The following TEP1 variants were observed in gnomAD, a reference collection of about 807,000 sequenced individuals.
TEP1 encodes telomerase associated protein 1.
A neutral mutation model predicts 306.3 loss-of-function variants in TEP1; 241 were observed. The ratio of observed to expected loss-of-function variants is 0.79; its 90% CI spans 0.71 to 0.88. The LOEUF (loss-of-function observed/expected upper bound fraction) is 0.88. TEP1 is among the 40% of genes least tolerant of loss of function. TEP1 has a pLI of 0.00. For synonymous variants in TEP1, 1,289 were observed against 1,305.5 expected, an observed-to-expected ratio of 0.99 and a Z score of 0.27; for missense variants, 3,051 against 3,276.1, an observed-to-expected ratio of 0.93 and a Z score of 1.68.
intron 2 of TEP1, 108 bp downstream of exon 2, chr14:20,407,765 G>T: frequency 9.8e-7 from 1 of 1,024,118 alleles, no homozygotes. Context: ...GAGGAGAGAA[G>T]ATAGCCAGAC....
In TEP1 at chr14:20,386,213, G is replaced by A. The variant is rs1340249499; in HGVS notation, c.2862-18C>T. The A allele has an allele frequency of 6.2e-7, 1 of 1,613,714 alleles. No individual in the cohort carries two copies. The highest frequency in any genetic ancestry group is 8.5e-7 in the Non-Finnish European group (1 of 1,179,912). On this transcript the variant is annotated intron_variant, in intron 19 of 54. Coordinates refer to ENST00000262715, the MANE Select transcript of TEP1 (RefSeq NM_007110.5). ...CCAGTTGTCTGTAGGCATGATGATA[G>A]GGACGTGTGGGAGTCACTGGGGGCA...
At position 20,383,777 on chromosome 14, in the gene TEP1, G is replaced by T. The variant is rs750276408; in HGVS notation, c.3676C>A (p.Leu1226Ile). Residue 1226 changes from leucine (L) to isoleucine (I), a missense_variant, in exon 25 of 55, where the codon CTA becomes ATA. By Grantham distance (5) the Leu-to-Ile change is conservative. Around this residue, in one of 3 missense-constraint regions of TEP1, gnomAD observed 1,507 missense variants for 1,550.5 expected, o/e 0.97. Coordinates refer to ENST00000262715, the MANE Select transcript of TEP1 (RefSeq NM_007110.5). ...CTGGGGAGGGCACCTGGCTCTTTTA[G>T]TTGGCCACGCAGATAGGTACAGAGG... ...RRLCTYLRGQ[L>I]KEPGALPSTY... 1 of 1,611,588 alleles carries T rather than the reference G, an allele frequency of 6.2e-7. No individual in the cohort carries two copies. The highest frequency in any genetic ancestry group is 8.5e-7 in the Non-Finnish European group (1 of 1,179,386).
At position 20,374,384 on chromosome 14, in the gene TEP1, A is replaced by G. The variant is rs142047187; in HGVS notation, c.6471+45T>C. On this transcript the variant is annotated intron_variant, in intron 44 of 54. Coordinates refer to ENST00000262715, the MANE Select transcript of TEP1 (RefSeq NM_007110.5). ...ATGCACCGTCTCCCAAAGCCCCCTT[A>G]GCCCTTCCAGAGACCCCCCAGTGGG... 8.0e-5 allele frequency: 116 copies of G among 1,448,486 alleles called. No homozygotes were observed. In the African/African-American group the frequency reaches 1.3e-3, roughly 17 times the overall value. 89.7% of individuals were successfully genotyped at this position (1,448,486 alleles called of 1,614,324 possible). A position where few individuals can be genotyped will look rare whatever the true frequency, so the allele number is the denominator to read the frequency against.
chr14:20,393,856 GT>G (rs2139128814), intron 12 of TEP1, among the ~76,000 whole-genome samples: 1 of 151,944 alleles, frequency 6.6e-6, no homozygotes, highest in South Asian at 2.1e-4. Context: ...GGAGGCCAAG[GT>G]GGTTGGATCG....
chr14:20,386,212 A>C lies in TEP1; in HGVS notation c.2862-17T>G, dbSNP rs892601916. ...TCCAGTTGTCTGTAGGCATGATGATAGGGACGTGTGGGAGTCACTGGGGGC... is the reference window on the plus strand; with the variant it reads ...TCCAGTTGTCTGTAGGCATGATGATCGGGACGTGTGGGAGTCACTGGGGGC... On this transcript the variant is annotated splice_polypyrimidine_tract_variant and intron_variant, in intron 19 of 54. Transcript: ENST00000262715. 1 of 1,613,854 alleles carries C rather than the reference A, an allele frequency of 6.2e-7. No homozygotes were observed. Among genetic ancestry groups the C allele is most frequent in the African/African-American group, 1.3e-5 (1 of 74,934 alleles).
intron 1 of TEP1, among the ~76,000 whole-genome samples, chr14:20,410,547 C>T (rs1277894767): frequency 2.6e-5 from 4 of 151,648 alleles, no homozygotes; most frequent in Non-Finnish European, 4.4e-5. Context: ...CTCAGCCTCC[C>T]GAGTAGCTGG....
rs1879320625 is a variant in TEP1 at position 20,407,979 on chromosome 14, G to A, written c.461C>T (p.Pro154Leu). ...GAAATGCTGAGCCCTCCAACTTGGA[G>A]GCTCAGAGAGCAGGCAATTGCTGTT... The part of the protein sequence containing the change: ...VNNSNCLLSE[P>L]PSWRAQHFSK... Residue 154 changes from proline to leucine, a missense_variant, in exon 2 of 55, where the codon CCT (proline) becomes CTT (leucine). By Grantham distance (98) the Pro-to-Leu change is moderately conservative. Coordinates refer to ENST00000262715, the MANE Select transcript of TEP1 (RefSeq NM_007110.5). The A allele has an allele frequency of 6.2e-7, 1 of 1,614,092 alleles. No individual in the cohort carries two copies. Among genetic ancestry groups the A allele is most frequent in the Non-Finnish European group, 8.5e-7 (1 of 1,180,036 alleles).
chr14:20,370,079 GA>G (rs1193711884), intron 51 of TEP1, among the ~76,000 whole-genome samples: 2 of 152,192 alleles, frequency 1.3e-5, no homozygotes, highest in Middle Eastern at 3.4e-3. Flanking sequence ...ACACCCAGCT[GA>G]TTTTTTTATT....
chr14:20,409,347 C>G (rs557479628), intron 1 of TEP1, among the ~76,000 whole-genome samples: 1 of 152,316 alleles, frequency 6.6e-6, no homozygotes, highest in African/African-American at 2.4e-5. Flanking sequence ...CCTTGCAGTT[C>G]TATTCTAATC....
chr14:20,376,137 A>T lies in TEP1; in HGVS notation c.6216T>A (p.Asp2072Glu). The T allele has an allele frequency of 1.9e-6, 3 of 1,614,170 alleles. No homozygotes were observed. Among genetic ancestry groups the T allele is most frequent in the Non-Finnish European group, 2.5e-6 (3 of 1,180,026 alleles). The change falls in exon 42 of 55, where the codon GAT (aspartate) becomes GAA (glutamate). Residue 2072 changes from aspartate (D) to glutamate (E), a missense_variant. Physicochemically the swap from Asp to Glu is conservative, Grantham distance 45. Transcript: ENST00000262715. ...GPVSCCSFST[D>E]GGSLATGGRD... Reference sequence around the variant, plus strand: ...GGCCCCCGGTGGCCAGGCTGCCTCCATCAGTGCTGAAACTACAGCAGCTCA... The same window carrying T: ...GGCCCCCGGTGGCCAGGCTGCCTCCTTCAGTGCTGAAACTACAGCAGCTCA...
intron 2 of TEP1, among the ~76,000 whole-genome samples, chr14:20,407,155 G>C (rs1446036703): frequency 6.6e-6 from 1 of 152,212 alleles, no homozygotes; most frequent in African/African-American, 2.4e-5. Context: ...ATGTAGATGT[G>C]TAAAAGTGGA....
Position 20,383,359 on chromosome 14 carries a change from A to G in TEP1, c.3868-6T>C. On this transcript the variant is annotated splice_region_variant and splice_polypyrimidine_tract_variant and intron_variant, in intron 26 of 54. Transcript: ENST00000262715. ...CTCAGCACCAGGTGTACACACTGTGATATTTGGGCAAAGGGGCAGGAAGGT... is the reference window on the plus strand; with the variant it reads ...CTCAGCACCAGGTGTACACACTGTGGTATTTGGGCAAAGGGGCAGGAAGGT... 2.5e-6 allele frequency: 4 copies of G among 1,602,786 alleles called. No homozygotes were observed. The South Asian group carries it at 4.5e-5, about 18-fold the overall frequency.
At chr14:20,400,877 A>G (rs993111068) in intron 9 of TEP1, 107 bp downstream of exon 9, 21 of 1,429,412 alleles carry the variant, frequency 1.5e-5, no homozygotes, top group Admixed American at 4.4e-5. Flanking sequence ...ACAACCAGGC[A>G]AAGTAATAAC....
At position 20,389,648 on chromosome 14, in the gene TEP1, G is replaced by C; in HGVS notation, c.2427C>G (p.Cys809Trp). 6.2e-7 allele frequency: 1 copy of C among 1,614,206 alleles called. No homozygotes were observed. The highest frequency in any genetic ancestry group is 1.1e-5 in the South Asian group (1 of 91,090). Residue 809 changes from cysteine to tryptophan, a missense_variant, in exon 16 of 55, where the codon TGC (cysteine) becomes TGG (tryptophan). Physicochemically the swap from Cys to Trp is radical, Grantham distance 215. Coordinates refer to ENST00000262715, the MANE Select transcript of TEP1 (RefSeq NM_007110.5). Reference sequence around the variant, plus strand: ...TTCTTAGGAGGATACCAACAAAGAGGCACTTGGAATTCACACGCTGCCAGT... The same window carrying C: ...TTCTTAGGAGGATACCAACAAAGAGCCACTTGGAATTCACACGCTGCCAGT... ...QLYWQRVNSK[C>W]LFVGILLRRV...
chr14:20,391,153 C>T (rs1877688748), intron 13 of TEP1, 57 bp from the exon 14 acceptor site: 3 of 1,579,524 alleles, frequency 1.9e-6, no homozygotes, highest in Non-Finnish European at 2.6e-6. Flanking sequence ...TTCACCCTTG[C>T]CCAGCCAGCC....
Position 20,408,311 on chromosome 14 carries a change from A to T in TEP1, c.129T>A (p.Asp43Glu), listed in dbSNP as rs745665744. The T allele has an allele frequency of 1.2e-6, 2 of 1,612,448 alleles. No individual in the cohort carries two copies. Among genetic ancestry groups the T allele is most frequent in the South Asian group, 1.1e-5 (1 of 90,998 alleles). ...GGCACTGGTTCTTCAAGGAGAGGAT[A>T]TCTGAGTGGGTAGATACATGCTGAT... is the stretch of plus-strand genomic sequence containing the variant. ...KLHQHVSTHSDILSLKNQCLA... is the reference protein window; with the variant it reads ...KLHQHVSTHSEILSLKNQCLA... The change falls in exon 2 of 55, where the codon GAT becomes GAA. Residue 43 changes from aspartate (D) to glutamate (E), a missense_variant. Transcript: ENST00000262715.
intron 17 of TEP1, 89 bp from the exon 18 acceptor site, chr14:20,388,152 G>T: frequency 1.4e-6 from 2 of 1,455,650 alleles, no homozygotes; most frequent in Non-Finnish European, 1.9e-6. Flanking sequence ...AAAAAGATAT[G>T]TCCAGGTTTG....
Position 20,403,825 on chromosome 14 carries a change from G to A in TEP1, c.1092C>T (p.Ala364=). 6.2e-7 allele frequency: 1 copy of A among 1,614,168 alleles called. No homozygotes were observed. The highest frequency in any genetic ancestry group is 8.5e-7 in the Non-Finnish European group (1 of 1,180,036). ...CAAACTGGGCAAATTTGTCCGTCAT[G>A]GCAGTACGGAGACAGGCGGGCAGGG... The part of the protein sequence containing the change: ...LVPLPACLRT[A]MTDKFAQFDE... Residue 364 remains alanine (A), a synonymous_variant, in exon 6 of 55, where the codon GCC becomes GCT. Transcript: ENST00000262715.
In TEP1 at chr14:20,378,103, G is replaced by C. The variant is rs766638741; in HGVS notation, c.5642C>G (p.Pro1881Arg). 6 of 1,613,832 alleles carry C rather than the reference G, an allele frequency of 3.7e-6. No individual in the cohort carries two copies. The African/African-American group carries it at 8.0e-5, about 22-fold the overall frequency. ...AGCAGCAACAAAGCCATGGTGGGCA[G>C]GGAAGGCAGCCAGCCGTGCCCCTTC... ...WREGARLAAF[P>R]AHHGFVAAAL... Residue 1881 changes from proline to arginine, a missense_variant, in exon 39 of 55, where the codon CCT becomes CGT. Physicochemically the swap from Pro to Arg is moderately radical, Grantham distance 103. Around this residue, in one of 3 missense-constraint regions of TEP1, gnomAD observed 1,540 missense variants for 1,705.9 expected, o/e 0.90. Coordinates refer to ENST00000262715, the MANE Select transcript of TEP1 (RefSeq NM_007110.5).
Sources: allele counts gnomAD v4.1 joint callset (sites outside exome capture counted in the v4.1 genomes callset), GRCh38; gene constraint gnomAD v4.1.1; regional missense constraint gnomAD v4.1.1; transcripts MANE v1.5; gene names NCBI Gene and HGNC (gene_info 2026-07-23, HGNC 2026-07-21).